Variants in DOT1L observed in about 807,000 individuals in gnomAD.
DOT1L encodes DOT1 like histone lysine methyltransferase, also known as histone-lysine N-methyltransferase, H3 lysine-79 specific.
Under a neutral mutation model 153.3 loss-of-function variants are expected in DOT1L, and 33 were observed. That is an observed-to-expected ratio of 0.22 (90% CI 0.16 to 0.29). The LOEUF (loss-of-function observed/expected upper bound fraction) is 0.29, where lower values mean the gene tolerates loss of function less well. DOT1L is among the 10% of genes least tolerant of loss of function. The probability of loss-of-function intolerance (pLI) is 1.00; values close to 1 mark genes in which losing one functional copy is unlikely to be tolerated. For synonymous variants in DOT1L, 1,135 were observed against 965.1 expected, an observed-to-expected ratio of 1.18 and a Z score of -3.26; for missense variants, 1,847 against 2,119.9, an observed-to-expected ratio of 0.87 and a Z score of 2.53.
rs2144978375 is a variant in DOT1L at position 2,231,981 on chromosome 19, T to C, written c.*2189T>C. The C allele has an allele frequency of 4.8e-6, 1 of 209,780 alleles. No homozygotes were observed. The highest frequency in any genetic ancestry group is 7.1e-5 in the East Asian group (1 of 14,040). 13.0% of individuals were successfully genotyped at this position (209,780 alleles called of 1,614,324 possible). On this transcript the variant is annotated 3_prime_UTR_variant, in exon 28 of 28. Transcript: ENST00000398665. ...CACGTGAACTAGTGTGGTGGCTGCC[T>C]GCGGACACCCTCCTGTTCTGAGCCC...
rs371826966 is a variant in DOT1L, at chr19:2,191,262, C to G, written c.493+22C>G. ...AGCGGTGAGTGTCGCCCGCCATGCC[C>G]GGCTCCTGTGCACTTCCAGGCCACA... On this transcript the variant is annotated intron_variant, in intron 5 of 27. Transcript: ENST00000398665. This position sits in a 1 kb window ranked among gnomAD's most constrained non-coding sequence, Gnocchi z 6.8. 6.2e-7 allele frequency: 1 copy of G among 1,610,822 alleles called. No individual in the cohort carries two copies. Among genetic ancestry groups the G allele is most frequent in the Admixed American group, 1.7e-5 (1 of 59,980 alleles).
At position 2,213,632 on chromosome 19, in the gene DOT1L, T is replaced by C. The variant is rs2023791080; in HGVS notation, c.1651T>C (p.Leu551=). Residue 551 remains leucine (L), a synonymous_variant, in exon 17 of 28, where the codon TTG becomes CTG. Transcript: ENST00000398665. ...GATCAGGAGGCTGTTTCAGCAAAAA[T>C]TGGATGAGGTAGTGGACCCCAGAGG... is the stretch of plus-strand genomic sequence containing the variant. The part of the protein sequence containing the change: ...EEIRRLFQQK[L]DELGVKALTY... 3.7e-6 allele frequency: 6 copies of C among 1,613,518 alleles called. No homozygotes were observed. The highest frequency in any genetic ancestry group is 4.5e-5 in the East Asian group (2 of 44,860).
Position 2,230,575 on chromosome 19 carries a change from C to T in DOT1L, c.*783C>T, listed in dbSNP as rs1599636529. 2 of 398,656 alleles carry T rather than the reference C, an allele frequency of 5.0e-6. No homozygotes were observed. The highest frequency in any genetic ancestry group is 4.4e-6 in the Non-Finnish European group (1 of 226,094). The allele number at this position is 398,656 out of a possible 1,614,324, so 24.7% of individuals were successfully genotyped here. A position where few individuals can be genotyped will look rare whatever the true frequency, so the allele number is the denominator to read the frequency against. On this transcript the variant is annotated 3_prime_UTR_variant, in exon 28 of 28. Coordinates refer to ENST00000398665, the MANE Select transcript of DOT1L (RefSeq NM_032482.3). ...TGTCCATGGCTCGCAGCATGCCCTG[C>T]GATGCGGGGCAGGCCTGTCGTGGGT...
At chr19:2,227,759 C>T (rs1448143392) in intron 27 of DOT1L, 7 of 1,319,740 alleles carry the variant, frequency 5.3e-6, no homozygotes, top group East Asian at 5.2e-5. Flanking sequence ...ACGCGGTGCC[C>T]TCCGCCTCTG....
chr19:2,172,317 G>A (rs2021681005), intron 1 of DOT1L, among the ~76,000 whole-genome samples: 2 of 151,702 alleles, frequency 1.3e-5, no homozygotes, highest in African/African-American at 4.8e-5. Flanking sequence ...AGCCTCCCGA[G>A]TAGCTGGGAC....
At chr19:2,221,734 A>T in intron 23 of DOT1L, 1 of 506,120 alleles carries the variant, frequency 2.0e-6, no homozygotes, top group South Asian at 3.7e-5. Context: ...CTCAGCCGGG[A>T]CCTGCAGGGC....
intron 19 of DOT1L, 37 bp from the exon 20 acceptor site, chr19:2,216,244 C>CT: frequency 6.5e-7 from 1 of 1,530,926 alleles, no homozygotes; most frequent in Non-Finnish European, 8.8e-7. Flanking sequence ...AGTGGTCCCC[C>CT]GGTGGGGCGG....
At chr19:2,181,391 G>T (rs1176747440) in intron 2 of DOT1L, among the ~76,000 whole-genome samples, 1 of 152,118 alleles carries the variant, frequency 6.6e-6, no homozygotes, top group Non-Finnish European at 1.5e-5. Context: ...TGAGGACACC[G>T]CCCGTGCCCA....
At position 2,165,701 on chromosome 19, in the gene DOT1L, C is replaced by G. The variant is rs114117783; in HGVS notation, c.81+1436C>G. ...AGGCATATGACCATAAGAGTTCTAA[C>G]TGTAACTGACTGAAGATCAATTGAG... On this transcript the variant is annotated intron_variant, in intron 1 of 27. Coordinates refer to ENST00000398665, the MANE Select transcript of DOT1L (RefSeq NM_032482.3). Among the ~76,000 whole-genome samples the G allele has an allele frequency of 3.5e-3, 526 of 152,298 alleles. 5 individuals carry two copies. The highest frequency in any genetic ancestry group is 0.012 in the African/African-American group (494 of 41,580).
At chr19:2,194,365 G>C in intron 6 of DOT1L, 150 bp from the exon 7 acceptor site, 1 of 764,298 alleles carries the variant, frequency 1.3e-6, no homozygotes, top group South Asian at 1.7e-5. Flanking sequence ...TAGAGACGGG[G>C]TTTCACCGTG....
chr19:2,221,835 C>T, intron 23 of DOT1L, 141 bp from the exon 24 acceptor site: 1 of 865,476 alleles, frequency 1.2e-6, no homozygotes. Context: ...CCCAGAGGGG[C>T]CGTTTTCAGA....
chr19:2,228,786 G>A (rs1237945180), intron 27 of DOT1L: 5 of 985,288 alleles, frequency 5.1e-6, no homozygotes, highest in South Asian at 4.7e-5. Context: ...GCTTGGTGCT[G>A]TTCCCCAGGC....
rs1384720158 is a variant in DOT1L at position 2,232,034 on chromosome 19, C to T, written c.*2242C>T. 4.8e-6 allele frequency: 1 copy of T among 209,276 alleles called. No individual in the cohort carries two copies. The highest frequency in any genetic ancestry group is 5.9e-5 in the Admixed American group (1 of 16,838). The allele number at this position is 209,276 out of a possible 1,614,324, so 13.0% of individuals were successfully genotyped here. On this transcript the variant is annotated 3_prime_UTR_variant, in exon 28 of 28. Coordinates refer to ENST00000398665, the MANE Select transcript of DOT1L (RefSeq NM_032482.3). ...GGCCTGTGTTCTTCTCAGACACTCC[C>T]AGACTGAGGGGTGGTGTGTGGCGGG...
chr19:2,188,432 C>G (rs558675606), intron 3 of DOT1L: 2 of 136,936 alleles, frequency 1.5e-5, no homozygotes, highest in Non-Finnish European at 3.1e-5. Context: ...CTTGCGTGCA[C>G]GTGGAGGTGG....
chr19:2,230,714 A>G lies in DOT1L; in HGVS notation c.*922A>G, dbSNP rs930698497. On this transcript the variant is annotated 3_prime_UTR_variant, in exon 28 of 28. Coordinates refer to ENST00000398665, the MANE Select transcript of DOT1L (RefSeq NM_032482.3). ...TTGACAGCTTTTATTTTTAGATGGTATAATGCACAGTGAAGAGGAAAGAAA... is the reference window on the plus strand; with the variant it reads ...TTGACAGCTTTTATTTTTAGATGGTGTAATGCACAGTGAAGAGGAAAGAAA... The G allele has an allele frequency of 5.0e-6, 2 of 397,830 alleles. No individual in the cohort carries two copies. The highest frequency in any genetic ancestry group is 8.8e-6 in the Non-Finnish European group (2 of 226,028). 24.6% of individuals were successfully genotyped at this position (397,830 alleles called of 1,614,324 possible). A position where few individuals can be genotyped will look rare whatever the true frequency, so the allele number is the denominator to read the frequency against.
chr19:2,215,778 C>G (rs778386616), intron 19 of DOT1L: 2 of 153,302 alleles, frequency 1.3e-5, no homozygotes, highest in Non-Finnish European at 2.9e-5. Flanking sequence ...GAGTAGAGCC[C>G]TCGGGAAGAG....
chr19:2,195,980 C>T (rs1235879420), intron 7 of DOT1L, among the ~76,000 whole-genome samples: 4 of 152,222 alleles, frequency 2.6e-5, no homozygotes, highest in Admixed American at 2.6e-4. Context: ...TGCGTGGAGG[C>T]GTGGCTGGGG....
chr19:2,217,589 C>T lies in DOT1L; in HGVS notation c.2545-183C>T, dbSNP rs904907761. Among the ~76,000 whole-genome samples the T allele has an allele frequency of 2.0e-5, 3 of 152,094 alleles. No homozygotes were observed. The highest frequency in any genetic ancestry group is 4.8e-5 in the African/African-American group (2 of 41,414). ...CTTTCAGACACCAGGAGCGTGCCGT[C>T]CCTCTGGAGTGTCCCAAAGCCGGTG... On this transcript the variant is annotated intron_variant, in intron 21 of 27. Transcript: ENST00000398665. This position sits in a 1 kb window ranked among gnomAD's most constrained non-coding sequence, Gnocchi z 7.3.
At position 2,217,840 on chromosome 19, in the gene DOT1L, C is replaced by G. The variant is rs749973386; in HGVS notation, c.2613C>G (p.Leu871=). Residue 871 remains leucine, a synonymous_variant, in exon 22 of 28, where the codon CTC becomes CTG. Coordinates refer to ENST00000398665, the MANE Select transcript of DOT1L (RefSeq NM_032482.3). This position sits in a 1 kb window ranked among gnomAD's most constrained non-coding sequence, Gnocchi z 7.3. The part of the protein sequence containing the change: ...LITSLPISIP[L]STVQPNKLPV... ...CCAGCCTGCCCATCAGCATCCCGCT[C>G]AGCACCGTGCAGCCCAACAAGCTCC... 6.2e-7 allele frequency: 1 copy of G among 1,611,272 alleles called. No homozygotes were observed. The highest frequency in any genetic ancestry group is 1.7e-5 in the Admixed American group (1 of 59,818).
Sources: allele counts gnomAD v4.1 joint callset (sites outside exome capture counted in the v4.1 genomes callset), GRCh38; gene constraint gnomAD v4.1.1; non-coding constraint Gnocchi (gnomAD v3.1); transcripts MANE v1.5; gene names NCBI Gene and HGNC (gene_info 2026-07-23, HGNC 2026-07-21).